Variants in PHACTR1 observed in about 807,000 individuals in gnomAD.
PHACTR1 encodes the protein phosphatase and actin regulator 1.
In PHACTR1, 16 loss-of-function variants were observed where a neutral mutation model predicts 69.2. The observed-to-expected ratio is 0.23, with a 90% CI of 0.16 to 0.35. The LOEUF (loss-of-function observed/expected upper bound fraction) is 0.35, where lower values mean the gene tolerates loss of function less well. Among genes scored for constraint, PHACTR1 ranks in the 10% least tolerant of loss-of-function variants. PHACTR1 has a pLI of 1.00. For missense variants in PHACTR1, 510 were observed against 734.7 expected (o/e 0.69, Z 3.54); for synonymous variants, 312 against 284.5 (o/e 1.10, Z -0.97).
rs146161461 is a variant in PHACTR1 at position 12,926,531 on chromosome 6, C to T, written c.251-126834C>T. 2.2e-3 allele frequency among the ~76,000 whole-genome samples: 331 copies of T among 152,276 alleles called. 2 individuals are homozygous for T. Among genetic ancestry groups the T allele is most frequent in the African/African-American group, 7.6e-3 (314 of 41,562 alleles). On this transcript the variant is annotated intron_variant, in intron 4 of 14. Transcript: ENST00000332995. ...TCTCCCAACTTGTGTTACTTGTCCA[C>T]GGTCCAGGCTCCACCTGCTCCACCC...
At chr6:12,839,147 T>C (rs547883052) in intron 4 of PHACTR1, among the ~76,000 whole-genome samples, 17 of 152,284 alleles carry the variant, frequency 1.1e-4, no homozygotes, top group South Asian at 6.2e-4. Flanking sequence ...ATTCTAACCA[T>C]AGAAAAGTTC....
intron 4 of PHACTR1, among the ~76,000 whole-genome samples, chr6:12,871,832 A>G (rs1554158458): frequency 6.6e-6 from 1 of 152,162 alleles, no homozygotes; most frequent in Non-Finnish European, 1.5e-5. Context: ...GTTATTTAAT[A>G]ATTCTCCCAT....
chr6:13,217,463 G>C (rs1035768469), intron 8 of PHACTR1, among the ~76,000 whole-genome samples: 11 of 152,214 alleles, frequency 7.2e-5, no homozygotes, highest in Non-Finnish European at 1.0e-4. Context: ...CAGAAATAGA[G>C]AGTGCTGGGA....
chr6:12,779,004 C>T (rs1770456613), intron 4 of PHACTR1, among the ~76,000 whole-genome samples: 1 of 152,122 alleles, frequency 6.6e-6, no homozygotes, highest in Admixed American at 6.5e-5. Context: ...GATATGACAT[C>T]CTGCATAACT....
At chr6:12,768,567 A>ATT (rs35435575) in intron 4 of PHACTR1, among the ~76,000 whole-genome samples, 2 of 151,372 alleles carry the variant, frequency 1.3e-5, no homozygotes, top group East Asian at 3.9e-4. Context: ...AAGGGGCAAC[A>ATT]TTTTTTTTCA....
chr6:13,063,649 G>C (rs371950491), intron 5 of PHACTR1, among the ~76,000 whole-genome samples: 1 of 151,860 alleles, frequency 6.6e-6, no homozygotes, highest in Non-Finnish European at 1.5e-5. Context: ...GTGTGATGGC[G>C]CATGCCTGTA....
At chr6:13,176,682 G>A (rs992023686) in intron 6 of PHACTR1, among the ~76,000 whole-genome samples, 4 of 151,882 alleles carry the variant, frequency 2.6e-5, no homozygotes, top group Non-Finnish European at 5.9e-5. Flanking sequence ...ATATATATTT[G>A]TTTCTACTAT....
At chr6:12,952,506 A>G (rs940714903) in intron 4 of PHACTR1, among the ~76,000 whole-genome samples, 3 of 152,148 alleles carry the variant, frequency 2.0e-5, no homozygotes, top group East Asian at 3.9e-4. Context: ...GCTCTTTTCC[A>G]TGGAGGCATT....
chr6:12,934,257 CTCT>C (rs1357347764), intron 4 of PHACTR1, among the ~76,000 whole-genome samples: 1 of 152,210 alleles, frequency 6.6e-6, no homozygotes, highest in East Asian at 1.9e-4. Context: ...TGGGGCTCTT[CTCT>C]TCTTATAAAG....
At chr6:12,956,585 C>G (rs1396156006) in intron 4 of PHACTR1, among the ~76,000 whole-genome samples, 1 of 152,032 alleles carries the variant, frequency 6.6e-6, no homozygotes. Context: ...GTTTGCCTAG[C>G]AAAGCAAGAT....
At chr6:13,038,734 GAATTT>G (rs1803728431) in intron 4 of PHACTR1, among the ~76,000 whole-genome samples, 1 of 152,142 alleles carries the variant, frequency 6.6e-6, no homozygotes, top group Admixed American at 6.5e-5. Flanking sequence ...AGATAGGGAT[GAATTT>G]TTCTCTCATA....
At position 13,282,773 on chromosome 6, in the gene PHACTR1, A is replaced by C. The variant is rs1584452042; in HGVS notation, c.1510-649A>C. Among the ~76,000 whole-genome samples, 4 of 152,284 alleles carry C rather than the reference A, an allele frequency of 2.6e-5. No individual in the cohort carries two copies. In the South Asian group the frequency reaches 8.3e-4, roughly 32 times the overall value. The stretch of plus-strand genomic sequence containing the variant: ...CACAAATCCAAAATAAGACAGAATC[A>C]TTGTAGAATGTCCCTGTCACCTGGT... On this transcript the variant is annotated intron_variant, in intron 12 of 14. Coordinates refer to ENST00000332995, the MANE Select transcript of PHACTR1 (RefSeq NM_030948.6).
intron 4 of PHACTR1, among the ~76,000 whole-genome samples, chr6:13,040,296 C>T (rs913043282): frequency 2.6e-5 from 4 of 152,062 alleles, no homozygotes; most frequent in African/African-American, 9.7e-5. Flanking sequence ...CTTGTGCCTG[C>T]CCTTTTTTCT....
chr6:13,206,299 GA>G (rs533305187), intron 8 of PHACTR1, among the ~76,000 whole-genome samples, 163 bp downstream of exon 8: 68 of 149,046 alleles, frequency 4.6e-4, no homozygotes, highest in Middle Eastern at 3.4e-3. Context: ...TCAAAGCATG[GA>G]AAAAAAAAAT....
intron 4 of PHACTR1, among the ~76,000 whole-genome samples, chr6:13,051,906 A>G (rs1806013271): frequency 6.6e-6 from 1 of 152,168 alleles, no homozygotes. Context: ...GATTGAAAAG[A>G]GGAGCTCCCA....
At chr6:13,261,132 C>T (rs1363324806) in intron 10 of PHACTR1, among the ~76,000 whole-genome samples, 1 of 152,188 alleles carries the variant, frequency 6.6e-6, no homozygotes, top group Non-Finnish European at 1.5e-5. Context: ...GCTGTGTGAA[C>T]AGAAGCCAGA....
At chr6:13,284,543 A>AAAAAAAATATATAT (rs1554187813) in intron 13 of PHACTR1, among the ~76,000 whole-genome samples, 2 of 61,364 alleles carry the variant, frequency 3.3e-5, no homozygotes, top group African/African-American at 2.1e-4. Flanking sequence ...AAAAAAAAAA[A>AAAAAAAATATATAT]ATATATATAT....
chr6:13,283,608 T>A lies in PHACTR1; in HGVS notation c.1650+46T>A. The A allele has an allele frequency of 6.2e-7, 1 of 1,612,936 alleles. No homozygotes were observed. Among genetic ancestry groups the A allele is most frequent in the Non-Finnish European group, 8.5e-7 (1 of 1,179,762 alleles). ...GAGAGTGGGAGGCAGGACCGTCTGC[T>A]GGGTCTCGCTGGGCTCACCGCTGGG... On this transcript the variant is annotated intron_variant, in intron 13 of 14. Transcript: ENST00000332995. This position sits in a 1 kb window ranked among gnomAD's most constrained non-coding sequence, Gnocchi z 4.7.
intron 4 of PHACTR1, among the ~76,000 whole-genome samples, chr6:13,050,237 T>G (rs1315330183): frequency 6.6e-6 from 1 of 152,256 alleles, no homozygotes; most frequent in Non-Finnish European, 1.5e-5. Context: ...TGATTTGATT[T>G]CTTTTTTTAT....
Sources: allele counts gnomAD v4.1 joint callset (sites outside exome capture counted in the v4.1 genomes callset), GRCh38; gene constraint gnomAD v4.1.1; non-coding constraint Gnocchi (gnomAD v3.1); transcripts MANE v1.5; gene names NCBI Gene and HGNC (gene_info 2026-07-23, HGNC 2026-07-21).